The following OSBPL1A variants were observed in gnomAD, a reference collection of about 807,000 sequenced individuals.
The protein encoded by OSBPL1A is oxysterol binding protein like 1A.
Under a neutral mutation model 137.1 loss-of-function variants are expected in OSBPL1A, and 80 were observed. That is an observed-to-expected ratio of 0.58 (90% confidence interval 0.49 to 0.70). The LOEUF is 0.70. Ranked by LOEUF, OSBPL1A falls within the 30% of genes least tolerant of loss-of-function variation. The pLI, the probability that OSBPL1A is intolerant of heterozygous loss-of-function variation, is 0.00. For missense variants in OSBPL1A, 970 were observed against 1,129.4 expected, an observed-to-expected ratio of 0.86 and a Z score of 2.02; for synonymous variants, 365 against 389.7, an observed-to-expected ratio of 0.94 and a Z score of 0.75.
intron 1 of OSBPL1A, among the ~76,000 whole-genome samples, chr18:24,380,411 G>A (rs1906494677): frequency 6.6e-6 from 1 of 152,240 alleles, no homozygotes; most frequent in Admixed American, 6.5e-5. Context: ...CACACGCTAA[G>A]GATGTTTTGC....
At chr18:24,223,210 C>G (rs565638796) in intron 17 of OSBPL1A, among the ~76,000 whole-genome samples, 1 of 151,928 alleles carries the variant, frequency 6.6e-6, no homozygotes, top group East Asian at 1.9e-4. Context: ...AGGGTGCAGG[C>G]AAGAGGGATG....
intron 17 of OSBPL1A, among the ~76,000 whole-genome samples, chr18:24,222,091 T>G (rs1260396145): frequency 6.6e-6 from 1 of 152,190 alleles, no homozygotes; most frequent in African/African-American, 2.4e-5. Flanking sequence ...AGGCATCTTA[T>G]TCCTGATAAG....
At chr18:24,306,651 G>C (rs1349617133) in intron 13 of OSBPL1A, among the ~76,000 whole-genome samples, 1 of 152,122 alleles carries the variant, frequency 6.6e-6, no homozygotes, top group Non-Finnish European at 1.5e-5. Flanking sequence ...AGAGATGGAA[G>C]TGGAGGGTAT....
Position 24,245,272 on chromosome 18 carries a change from C to T in OSBPL1A, c.1282-5890G>A, listed in dbSNP as rs189224573. ...CACCATGCCTAGCTAATTTTTTTTT[C>T]GGCAGAGACGGGTCTCCCTACGTTG... On this transcript the variant is annotated intron_variant, in intron 15 of 27. Transcript: ENST00000319481. Among the ~76,000 whole-genome samples the T allele has an allele frequency of 1.3e-4, 19 of 151,372 alleles. No homozygotes were observed. In the East Asian group the frequency reaches 1.6e-3, roughly 12 times the overall value.
chr18:24,258,205 T>C (rs2089339887), intron 15 of OSBPL1A, among the ~76,000 whole-genome samples: 1 of 152,076 alleles, frequency 6.6e-6, no homozygotes, highest in Non-Finnish European at 1.5e-5. Context: ...TAGCCAAGAT[T>C]TGGAAGCAAC....
intron 15 of OSBPL1A, among the ~76,000 whole-genome samples, chr18:24,263,077 T>C (rs759608773): frequency 2.0e-5 from 3 of 152,324 alleles, no homozygotes; most frequent in Middle Eastern, 3.4e-3. Context: ...ATGGTAAACA[T>C]TGTTAGGCCC....
chr18:24,352,645 A>G (rs1411938945), intron 4 of OSBPL1A, among the ~76,000 whole-genome samples: 1 of 152,220 alleles, frequency 6.6e-6, no homozygotes, highest in Non-Finnish European at 1.5e-5. Flanking sequence ...TGGAGGCATC[A>G]GGCTACCTGA....
chr18:24,354,318 G>A (rs1393197652), intron 4 of OSBPL1A, among the ~76,000 whole-genome samples: 1 of 152,148 alleles, frequency 6.6e-6, no homozygotes, highest in African/African-American at 2.4e-5. Context: ...AGCAACTACT[G>A]AGAACAGGCA....
intron 20 of OSBPL1A, chr18:24,179,007 T>C (rs2086525861): frequency 1.3e-5 from 2 of 152,334 alleles, no homozygotes; most frequent in South Asian, 4.1e-4. Context: ...TATATTTTAT[T>C]TATATTTTTT....
At chr18:24,291,420 G>A (rs1268307569) in intron 14 of OSBPL1A, among the ~76,000 whole-genome samples, 1 of 152,020 alleles carries the variant, frequency 6.6e-6, no homozygotes, top group Non-Finnish European at 1.5e-5. Context: ...ACTAAATTGA[G>A]AAAGAAACTA....
intron 21 of OSBPL1A, among the ~76,000 whole-genome samples, chr18:24,176,236 C>G (rs2086443072): frequency 6.6e-6 from 1 of 152,116 alleles, no homozygotes; most frequent in Non-Finnish European, 1.5e-5. Context: ...ATACAGACTG[C>G]TTATAGATCA....
At position 24,395,607 on chromosome 18, in the gene OSBPL1A, TG is replaced by T. The variant is rs567507823; in HGVS notation, c.-3+2047del. Among the ~76,000 whole-genome samples the T allele has an allele frequency of 2.9e-3, 241 of 83,856 alleles. 1 individual carries two copies. The highest frequency in any genetic ancestry group is 0.011 in the African/African-American group (224 of 20,452). 55.0% of individuals were successfully genotyped at this position (83,856 alleles called of 152,430 possible). Reference sequence around the variant, plus strand: ...ATTTCCCCTTGTTTTGAGGAAATGATGGGGAGAATTTTTTTTTTTCTTTTTT... The same window carrying T: ...ATTTCCCCTTGTTTTGAGGAAATGATGGGAGAATTTTTTTTTTTCTTTTTT... On this transcript the variant is annotated intron_variant, in intron 1 of 27. Coordinates refer to ENST00000319481, the MANE Select transcript of OSBPL1A (RefSeq NM_080597.4).
intron 1 of OSBPL1A, 50 bp downstream of exon 1, chr18:24,397,589 GGCGGGAACCCGTCAGC>G (rs1474485871): frequency 6.6e-6 from 1 of 152,230 alleles, no homozygotes; most frequent in Admixed American, 6.5e-5. Flanking sequence ...AGCGCAGCCC[GGCGGGAACCCGTCAGC>G]GCGGGAACCG....
intron 26 of OSBPL1A, among the ~76,000 whole-genome samples, chr18:24,166,032 G>C (rs995302488): frequency 6.6e-6 from 1 of 152,182 alleles, no homozygotes; most frequent in Non-Finnish European, 1.5e-5. Flanking sequence ...AGGAGGTGGA[G>C]GTTGCAGTGA....
intron 17 of OSBPL1A, among the ~76,000 whole-genome samples, chr18:24,207,526 A>G (rs1049194943): frequency 6.6e-6 from 1 of 152,228 alleles, no homozygotes. Context: ...GTATATTTAG[A>G]AAAGTGAGAA....
intron 17 of OSBPL1A, among the ~76,000 whole-genome samples, chr18:24,211,688 G>C (rs1369028005): frequency 6.6e-6 from 1 of 151,980 alleles, no homozygotes; most frequent in African/African-American, 2.4e-5. Flanking sequence ...ATTCGGCCAG[G>C]CGCAGTGTCT....
chr18:24,165,048 C>A lies in OSBPL1A; in HGVS notation c.2750+17G>T, dbSNP rs967302607. 1 of 1,613,780 alleles carries A rather than the reference C, an allele frequency of 6.2e-7. No individual in the cohort carries two copies. Among genetic ancestry groups the A allele is most frequent in the Non-Finnish European group, 8.5e-7 (1 of 1,179,800 alleles). On this transcript the variant is annotated intron_variant, in intron 27 of 27. Coordinates refer to ENST00000319481, the MANE Select transcript of OSBPL1A (RefSeq NM_080597.4). ...CTGCCTGAGGGCTCAGCCACACCCCCTGACTCAGGCACGCACCTCGTCTTC... is the reference window on the plus strand; with the variant it reads ...CTGCCTGAGGGCTCAGCCACACCCCATGACTCAGGCACGCACCTCGTCTTC...
chr18:24,167,557 C>T, intron 24 of OSBPL1A, 112 bp from the exon 25 acceptor site: 1 of 866,602 alleles, frequency 1.2e-6, no homozygotes, highest in Non-Finnish European at 1.9e-6. Context: ...ATGGCAGTCC[C>T]CTAAGGTTAT....
rs1265308794 is a variant in OSBPL1A, at chr18:24,284,257, A to G, written c.1175-3309T>C. On this transcript the variant is annotated intron_variant, in intron 14 of 27. Transcript: ENST00000319481. ...AATTAAAATTGCTAAGCTTCTAGAA[A>G]AGTGACCAACTGGGAATCACTGCAA... Among the ~76,000 whole-genome samples, 5 of 152,298 alleles carry G rather than the reference A, an allele frequency of 3.3e-5. No homozygotes were observed. In the East Asian group the frequency reaches 5.8e-4, roughly 18 times the overall value.
Sources: allele counts gnomAD v4.1 joint callset (sites outside exome capture counted in the v4.1 genomes callset), GRCh38; gene constraint gnomAD v4.1.1; transcripts MANE v1.5; gene names NCBI Gene and HGNC (gene_info 2026-07-23, HGNC 2026-07-21).